CDH4: variants seen among roughly 807,000 people sequenced by gnomAD.
CDH4 encodes cadherin-4.
Under a neutral mutation model 86.0 loss-of-function variants are expected in CDH4, and 33 were observed. The observed-to-expected ratio is 0.38, with a 90% CI of 0.29 to 0.51. CDH4 has a LOEUF of 0.51. Ranked by LOEUF, CDH4 falls within the 20% of genes least tolerant of loss-of-function variation. CDH4 has a pLI of 0.86. For synonymous variants in CDH4, 555 were observed against 549.4 expected, an observed-to-expected ratio of 1.01 and a Z score of -0.14; for missense variants, 1,114 against 1,307.4, an observed-to-expected ratio of 0.85 and a Z score of 2.28.
chr20:61,856,565 G>A (rs368747207), intron 6 of CDH4, among the ~76,000 whole-genome samples: 20 of 132,136 alleles, frequency 1.5e-4, no homozygotes, highest in East Asian at 1.4e-3. Context: ...AGGGTTCTGC[G>A]TGCACCCCAC....
chr20:61,395,639 G>A (rs1364847495), intron 2 of CDH4, among the ~76,000 whole-genome samples: 1 of 152,114 alleles, frequency 6.6e-6, no homozygotes, highest in Non-Finnish European at 1.5e-5. Context: ...CATTAGTTGG[G>A]CATGGTGGTT....
intron 2 of CDH4, among the ~76,000 whole-genome samples, chr20:61,533,217 C>T (rs937126819): frequency 3.3e-5 from 5 of 152,154 alleles, no homozygotes; most frequent in African/African-American, 1.2e-4. Context: ...TGGAGGGATC[C>T]ACAACAGCCA....
intron 2 of CDH4, among the ~76,000 whole-genome samples, chr20:61,298,053 C>T (rs915789020): frequency 2.0e-5 from 3 of 152,212 alleles, no homozygotes; most frequent in Non-Finnish European, 4.4e-5. Context: ...TTGGCTATCA[C>T]GAGGTGGCCT....
At chr20:61,265,872 C>A (rs1600816931) in intron 2 of CDH4, among the ~76,000 whole-genome samples, 1 of 152,328 alleles carries the variant, frequency 6.6e-6, no homozygotes, top group Middle Eastern at 3.4e-3. Flanking sequence ...GCTCCTGCCA[C>A]CTGCCTTATC....
intron 2 of CDH4, among the ~76,000 whole-genome samples, chr20:61,555,870 A>G (rs1169685681): frequency 1.3e-5 from 2 of 152,244 alleles, no homozygotes; most frequent in African/African-American, 4.8e-5. Flanking sequence ...CAGGATTCAC[A>G]CGGTTTCTAG....
At chr20:61,689,605 A>G (rs902260261) in intron 2 of CDH4, among the ~76,000 whole-genome samples, 219 of 69,846 alleles carry the variant, frequency 3.1e-3, no homozygotes, top group Middle Eastern at 0.011. Flanking sequence ...TGGTTGGTGA[A>G]GTGATGTGGA....
At chr20:61,388,303 C>T (rs1003170275) in intron 2 of CDH4, among the ~76,000 whole-genome samples, 4 of 152,136 alleles carry the variant, frequency 2.6e-5, no homozygotes, top group East Asian at 3.9e-4. Flanking sequence ...GGTTGACCCC[C>T]GTCTCACTTT....
intron 2 of CDH4, among the ~76,000 whole-genome samples, chr20:61,293,891 G>T (rs2084337075): frequency 6.6e-6 from 1 of 152,196 alleles, no homozygotes; most frequent in African/African-American, 2.4e-5. Context: ...GTTCGGCAGT[G>T]CCGGGTTTTG....
At chr20:61,806,628 A>AG (rs1439644412) in intron 4 of CDH4, among the ~76,000 whole-genome samples, 1 of 152,204 alleles carries the variant, frequency 6.6e-6, no homozygotes, top group African/African-American at 2.4e-5. Context: ...GCTGTAGCAG[A>AG]GGCCGGACTG....
intron 2 of CDH4, among the ~76,000 whole-genome samples, chr20:61,413,571 G>A (rs1219639896): frequency 6.6e-6 from 1 of 152,144 alleles, no homozygotes; most frequent in Non-Finnish European, 1.5e-5. Flanking sequence ...ACACACCCCC[G>A]CACAACTGCC....
At chr20:61,575,864 A>G (rs2086379007) in intron 2 of CDH4, among the ~76,000 whole-genome samples, 1 of 152,204 alleles carries the variant, frequency 6.6e-6, no homozygotes, top group Non-Finnish European at 1.5e-5. Context: ...CATGTGAGCC[A>G]CCCAAGTCTC....
rs2084171865 is a variant in CDH4, at chr20:61,269,262, G to C, written c.169+14325G>C. 6.6e-6 allele frequency among the ~76,000 whole-genome samples: 1 copy of C among 152,152 alleles called. No individual in the cohort carries two copies. The highest frequency in any genetic ancestry group is 2.1e-4 in the South Asian group (1 of 4,826). ...ACAGTTTGGCACTGCCACTACCTTA[G>C]TGGCCCTGGAGGAGCCAGGATTGAT... On this transcript the variant is annotated intron_variant, in intron 2 of 15. Transcript: ENST00000614565. The surrounding 1 kb of genome is among the most constrained non-coding windows in gnomAD (Gnocchi z 5.3).
chr20:61,410,014 T>A (rs931838729), intron 2 of CDH4, among the ~76,000 whole-genome samples: 3 of 152,196 alleles, frequency 2.0e-5, no homozygotes, highest in Non-Finnish European at 2.9e-5. Flanking sequence ...CCACAGGGTG[T>A]ACAGTGCAGC....
intron 2 of CDH4, among the ~76,000 whole-genome samples, chr20:61,638,898 G>C (rs1382411415): frequency 6.6e-6 from 1 of 152,164 alleles, no homozygotes; most frequent in Non-Finnish European, 1.5e-5. Context: ...TGTAGGGTAG[G>C]GAATTGAAGC....
At chr20:61,580,426 A>T (rs966879316) in intron 2 of CDH4, among the ~76,000 whole-genome samples, 2 of 152,162 alleles carry the variant, frequency 1.3e-5, no homozygotes, top group Admixed American at 1.3e-4. Flanking sequence ...ACTCCACTCC[A>T]GTCTGGGTGA....
chr20:61,642,230 A>T (rs1172123164), intron 2 of CDH4, among the ~76,000 whole-genome samples: 1 of 152,190 alleles, frequency 6.6e-6, no homozygotes, highest in Non-Finnish European at 1.5e-5. Context: ...TCTTAATTTT[A>T]TTGTTCTAGA....
intron 8 of CDH4, among the ~76,000 whole-genome samples, chr20:61,908,148 TTGTC>T (rs1191434990): frequency 2.6e-5 from 4 of 152,172 alleles, no homozygotes; most frequent in Non-Finnish European, 4.4e-5. Context: ...GACGCAGTGT[TTGTC>T]TGGGATTAAA....
intron 2 of CDH4, among the ~76,000 whole-genome samples, chr20:61,320,046 A>C (rs2084499746): frequency 6.6e-6 from 1 of 151,952 alleles, no homozygotes; most frequent in African/African-American, 2.4e-5. Flanking sequence ...TTTGTTGAGG[A>C]TAGATCTCAT....
intron 2 of CDH4, among the ~76,000 whole-genome samples, chr20:61,704,016 G>T (rs967441867): frequency 6.6e-6 from 1 of 152,014 alleles, no homozygotes; most frequent in Non-Finnish European, 1.5e-5. Flanking sequence ...GCTGTGCCCT[G>T]TGGGTCCCTG....
Sources: allele counts gnomAD v4.1 joint callset (sites outside exome capture counted in the v4.1 genomes callset), GRCh38; gene constraint gnomAD v4.1.1; non-coding constraint Gnocchi (gnomAD v3.1); transcripts MANE v1.5; gene names NCBI Gene and HGNC (gene_info 2026-07-23, HGNC 2026-07-21).